The following BCAR1 variants were observed in gnomAD, a reference collection of about 807,000 sequenced individuals.
The protein encoded by BCAR1 is breast cancer anti-estrogen resistance protein 1.
Under a neutral mutation model 67.6 loss-of-function variants are expected in BCAR1, and 30 were observed. The ratio of observed to expected loss-of-function variants is 0.44; its 90% CI spans 0.33 to 0.60. BCAR1 has a LOEUF of 0.60. Ranked by LOEUF, BCAR1 falls within the 20% of genes least tolerant of loss-of-function variation. The probability of loss-of-function intolerance (pLI) is 0.02; values close to 1 mark genes in which losing one functional copy is unlikely to be tolerated. For missense variants in BCAR1, 1,313 were observed against 1,222.3 expected (o/e 1.07, Z -1.11); for synonymous variants, 626 against 556.7 (o/e 1.12, Z -1.75).
At chr16:75,232,687 C>G (rs1036130841) in intron 6 of BCAR1, among the ~76,000 whole-genome samples, 7 of 152,164 alleles carry the variant, frequency 4.6e-5, no homozygotes, top group Non-Finnish European at 7.3e-5. Context: ...CAGCCCCCAC[C>G]CCCTGCCACC....
upstream of BCAR1, among the ~76,000 whole-genome samples, chr16:75,255,005 C>G (rs2077745633): frequency 6.6e-6 from 1 of 152,206 alleles, no homozygotes; most frequent in Non-Finnish European, 1.5e-5. Context: ...TCACCAATGT[C>G]CACTGCAGCA....
rs1347133736 is a variant in BCAR1 at position 75,251,553 on chromosome 16, G to A, written c.-71C>T. On this transcript the variant is annotated 5_prime_UTR_variant, in exon 1 of 7. Transcript: ENST00000162330. ...CGAGCTGCCCGGGCCGCGTGCCCTC[G>A]GGGCTCCGAGCGCGCCGCAGCCGCC... 9 of 1,150,396 alleles carry A rather than the reference G, an allele frequency of 7.8e-6. No homozygotes were observed. The highest frequency in any genetic ancestry group is 4.2e-5 in the South Asian group (1 of 23,632). The allele number at this position is 1,150,396 out of a possible 1,614,324, so 71.3% of individuals were successfully genotyped here.
intron 2 of BCAR1, chr16:75,238,632 C>T: frequency 1.0e-6 from 1 of 986,256 alleles, no homozygotes; most frequent in Non-Finnish European, 1.2e-6. Context: ...CACTAGGTCT[C>T]CAGCACGCCT....
At chr16:75,234,176 C>G (rs1474136654) in intron 5 of BCAR1, among the ~76,000 whole-genome samples, 2 of 150,730 alleles carry the variant, frequency 1.3e-5, no homozygotes, top group African/African-American at 4.9e-5. Flanking sequence ...CACACACACA[C>G]ACACACACAC....
intron 1 of BCAR1, chr16:75,264,430 G>A: frequency 6.6e-7 from 1 of 1,524,150 alleles, no homozygotes; most frequent in East Asian, 2.5e-5. Flanking sequence ...AGTCCCCTGA[G>A]GCCCTGGGCC....
intron 2 of BCAR1, chr16:75,239,091 CCA>C: frequency 2.0e-6 from 2 of 985,428 alleles, no homozygotes; most frequent in Non-Finnish European, 2.4e-6. Context: ...CAGTAGGCAG[CCA>C]CAGTGACCAA....
intron 4 of BCAR1, chr16:75,236,393 C>A (rs984396682): frequency 3.1e-5 from 10 of 320,404 alleles, no homozygotes; most frequent in Admixed American, 4.8e-5. Context: ...ATCATGATTT[C>A]ATCACCATCA....
rs530809980 is a variant in BCAR1, at chr16:75,251,459, T to G, written c.12+12A>C. 6.0e-4 allele frequency: 868 copies of G among 1,453,630 alleles called. No homozygotes were observed. The highest frequency in any genetic ancestry group is 7.3e-4 in the Non-Finnish European group (809 of 1,102,644). 90.0% of individuals were successfully genotyped at this position (1,453,630 alleles called of 1,614,324 possible). On this transcript the variant is annotated intron_variant, in intron 1 of 6. Coordinates refer to ENST00000162330, the MANE Select transcript of BCAR1 (RefSeq NM_014567.5). ...AGCCCGTACGCGGCCCGGCCCCACC[T>G]GGCGCCCTCACCAGGTGGTTCATGG...
At chr16:75,239,974 G>A (rs909337020) in intron 2 of BCAR1, among the ~76,000 whole-genome samples, 3 of 152,176 alleles carry the variant, frequency 2.0e-5, no homozygotes, top group Admixed American at 6.5e-5. Context: ...GCCTTCCCCC[G>A]GGGGTCCCAT....
intron 2 of BCAR1, chr16:75,238,328 T>TG (rs1336924589): frequency 2.6e-6 from 3 of 1,135,210 alleles, no homozygotes; most frequent in Non-Finnish European, 3.3e-6. Context: ...CCAGGCTCCC[T>TG]GTTCAGCTCT....
chr16:75,230,096 C>G, intron 6 of BCAR1, 73 bp from the exon 7 acceptor site: 1 of 1,500,098 alleles, frequency 6.7e-7, no homozygotes, highest in South Asian at 1.4e-5. Flanking sequence ...GACCTGGGCA[C>G]CCTGGGCTGG....
upstream of BCAR1, chr16:75,252,197 G>T: frequency 6.5e-7 from 1 of 1,536,314 alleles, no homozygotes; most frequent in Non-Finnish European, 8.7e-7. Context: ...GGAGGCTGGC[G>T]AGCTCTCGAC....
intron 6 of BCAR1, among the ~76,000 whole-genome samples, chr16:75,233,328 G>GC (rs1208056079): frequency 1.3e-5 from 2 of 151,840 alleles, no homozygotes; most frequent in African/African-American, 4.8e-5. Context: ...AGTTGAGATC[G>GC]CATCACTGTA....
chr16:75,237,541 G>T (rs1432061249), intron 2 of BCAR1, 197 bp from the exon 3 acceptor site: 1 of 612,306 alleles, frequency 1.6e-6, no homozygotes, highest in Non-Finnish European at 2.5e-6. Flanking sequence ...GCCAGGTACG[G>T]CAAGAACTCT....
rs2076785099 is a variant in BCAR1 at position 75,228,605 on chromosome 16, G to A, written c.*906C>T. 6.6e-6 allele frequency: 1 copy of A among 152,356 alleles called. No individual in the cohort carries two copies. The highest frequency in any genetic ancestry group is 2.4e-5 in the African/African-American group (1 of 41,472). The allele number at this position is 152,356 out of a possible 1,614,324, so 9.4% of individuals were successfully genotyped here. ...TGAGATTCTTTTAAGCAGAGCTCTG[G>A]ATGCAGCCCCCAGCGGTGCCCTCGG... On this transcript the variant is annotated 3_prime_UTR_variant, in exon 7 of 7. Transcript: ENST00000162330.
chr16:75,239,232 A>G, intron 2 of BCAR1: 1 of 606,832 alleles, frequency 1.6e-6, no homozygotes, highest in Non-Finnish European at 2.1e-6. Context: ...CAGGCCGTGG[A>G]GGTCCCCCGG....
intron 1 of BCAR1, chr16:75,263,641 G>C (rs1208358245): frequency 1.0e-6 from 1 of 985,426 alleles, no homozygotes; most frequent in Non-Finnish European, 1.2e-6. Flanking sequence ...CTCTCACCCT[G>C]CTTCCCCTCC....
In BCAR1 at chr16:75,235,434, T is replaced by G. The variant is rs2077077820; in HGVS notation, c.1465A>C (p.Ser489Arg). Residue 489 changes from serine to arginine, a missense_variant, in exon 5 of 7, where the codon AGC (serine) becomes CGC (arginine). Physicochemically the swap from Ser to Arg is moderately radical, Grantham distance 110. Around this residue, in one of 2 missense-constraint regions of BCAR1, gnomAD observed 1,272 missense variants for 1,137.5 expected, o/e 1.12. Coordinates refer to ENST00000162330, the MANE Select transcript of BCAR1 (RefSeq NM_014567.5). ...DLAGSAGATG[S>R]WRSPSEPQEP... Reference sequence around the variant, plus strand: ...TGTGGCTCAGAGGGGCTACGCCAGCTCCCAGTCGCACCGGCGCTGCCTGCC... The same window carrying G: ...TGTGGCTCAGAGGGGCTACGCCAGCGCCCAGTCGCACCGGCGCTGCCTGCC... The G allele has an allele frequency of 6.2e-7, 1 of 1,608,204 alleles. No homozygotes were observed. Among genetic ancestry groups the G allele is most frequent in the Non-Finnish European group, 8.5e-7 (1 of 1,179,332 alleles).
At chr16:75,232,842 T>G (rs1321184132) in intron 6 of BCAR1, among the ~76,000 whole-genome samples, 1 of 152,200 alleles carries the variant, frequency 6.6e-6, no homozygotes, top group Non-Finnish European at 1.5e-5. Context: ...GTCGTGGGTC[T>G]CAGGCCCCTG....
Sources: gnomAD v4.1 joint callset for allele counts (sites outside exome capture counted in the v4.1 genomes callset) on GRCh38, gnomAD v4.1.1 for gene constraint, gnomAD v4.1.1 regional missense constraint, MANE v1.5 for transcripts, NCBI Gene and HGNC (gene_info 2026-07-23, HGNC 2026-07-21) for gene names.